ADGRG4: variants seen among roughly 807,000 people sequenced by gnomAD.
ADGRG4 encodes adhesion G protein-coupled receptor G4, also known as G protein-coupled receptor 112.
ADGRG4 carries 122 observed loss-of-function variants against 126.2 expected under a neutral mutation model. That is an observed-to-expected ratio of 0.97 (90% confidence interval 0.83 to 1.12). ADGRG4 has a LOEUF of 1.12. Ranked by LOEUF, ADGRG4 falls within the 50% of genes most tolerant of loss-of-function variation. The pLI, the probability that ADGRG4 is intolerant of heterozygous loss-of-function variation, is 0.00. For synonymous variants in ADGRG4, 943 were observed against 838.7 expected (o/e 1.12, Z -2.15); for missense variants, 2,481 against 2,251.8 (o/e 1.10, Z -2.06).
At position 136,405,680 on chromosome X, in the gene ADGRG4, T is replaced by C. The variant is rs760140575; in HGVS notation, c.8655-12T>C. The C allele has an allele frequency of 8.8e-7, 1 of 1,135,215 alleles. No homozygotes were observed. Among genetic ancestry groups the C allele is most frequent in the Non-Finnish European group, 1.2e-6 (1 of 849,013 alleles). The allele number at this position is 1,135,215 out of a possible 1,213,427, so 93.6% of individuals were successfully genotyped here. ...TTCCCTATCTCATGATAGTCTTCTT[T>C]GTTTCTTACAGTTGTTGGATTAAAG... On this transcript the variant is annotated splice_polypyrimidine_tract_variant and intron_variant, in intron 22 of 25. Transcript: ENST00000394143.
intron 19 of ADGRG4, among the ~76,000 whole-genome samples, chrX:136,397,488 G>A (rs1307448950): frequency 1.0e-5 from 1 of 95,937 alleles, no homozygotes; most frequent in Non-Finnish European, 2.1e-5. Context: ...CTAAGGAAAA[G>A]GACTTTTTTT....
rs991910286 is a variant in ADGRG4, at chrX:136,361,658, A to T, written c.7277+71A>T. The T allele has an allele frequency of 1.1e-5, 9 of 835,824 alleles. No homozygotes were observed. In the African/African-American group the frequency reaches 1.4e-4, roughly 13 times the overall value. 68.9% of individuals were successfully genotyped at this position (835,824 alleles called of 1,213,427 possible). A position where few individuals can be genotyped will look rare whatever the true frequency, so the allele number is the denominator to read the frequency against. ...TCTACCTAATTGGGGACATGTTTCT[A>T]TGTCATTTGTCTGAGCATGCTCCCT... On this transcript the variant is annotated intron_variant, in intron 12 of 25. Transcript: ENST00000394143.
intron 5 of ADGRG4, among the ~76,000 whole-genome samples, chrX:136,325,120 T>G (rs2074864291): frequency 1.8e-5 from 2 of 112,092 alleles, no homozygotes; most frequent in Non-Finnish European, 3.8e-5. Flanking sequence ...AAGACAAGAT[T>G]TTTTTGCATT....
Position 136,344,649 on chromosome X carries a change from G to T in ADGRG4, c.943G>T (p.Val315Leu). 1 of 1,210,664 alleles carries T rather than the reference G, an allele frequency of 8.3e-7. No individual in the cohort carries two copies. The highest frequency in any genetic ancestry group is 1.1e-6 in the Non-Finnish European group (1 of 894,598). The change falls in exon 6 of 26, where the codon GTG becomes TTG. Residue 315 changes from valine (V) to leucine (L), a missense_variant. Physicochemically the swap from Val to Leu is conservative, Grantham distance 32 (BLOSUM62 1). Coordinates refer to ENST00000394143, the MANE Select transcript of ADGRG4 (RefSeq NM_153834.4). The part of the protein sequence containing the change: ...TLVDETATFA[V>L]DVLSTSSAIS... ...GGTAGATGAGACAGCTACATTTGCA[G>T]TGGATGTTTTATCAACTTCATCAGC...
At chrX:136,317,499 C>CAA (rs35736381) in intron 4 of ADGRG4, among the ~76,000 whole-genome samples, 9 of 40,603 alleles carry the variant, frequency 2.2e-4, no homozygotes, top group African/African-American at 4.1e-4. Flanking sequence ...GACTCCATCT[C>CAA]AAAAAAAAAA....
rs2075002296 is a variant in ADGRG4 at position 136,344,838 on chromosome X, A to G, written c.1132A>G (p.Arg378Gly). 1.7e-6 allele frequency: 2 copies of G among 1,207,257 alleles called. No homozygotes were observed. The highest frequency in any genetic ancestry group is 1.7e-5 in the African/African-American group (1 of 57,343). ...ACCTTCTAATTTCCTATCCACATCCAGATTTACCAAGAATTCAGTTGTATC... is the reference window on the plus strand; with the variant it reads ...ACCTTCTAATTTCCTATCCACATCCGGATTTACCAAGAATTCAGTTGTATC... The part of the protein sequence containing the change: ...PTPSNFLSTS[R>G]FTKNSVVSTT... Residue 378 changes from arginine (R) to glycine (G), a missense_variant, in exon 6 of 26, where the codon AGA becomes GGA. Coordinates refer to ENST00000394143, the MANE Select transcript of ADGRG4 (RefSeq NM_153834.4).
At chrX:136,384,577 A>AC (rs2075283592) in intron 15 of ADGRG4, among the ~76,000 whole-genome samples, 1 of 111,790 alleles carries the variant, frequency 8.9e-6, no homozygotes, top group Admixed American at 9.5e-5. Context: ...AAAAAAATTC[A>AC]CTTAGGATTT....
In ADGRG4 at chrX:136,346,729, C is replaced by G; in HGVS notation, c.3023C>G (p.Pro1008Arg). Residue 1008 changes from proline (P) to arginine (R), a missense_variant, in exon 6 of 26, where the codon CCT becomes CGT. Transcript: ENST00000394143. ...QPTAAHSSAT[P>R]VPVTHMFSLP... ...ACAGCTGCTCATTCCTCAGCAACCC[C>G]TGTGCCTGTTACTCATATGTTCTCA... is the stretch of plus-strand genomic sequence containing the variant. 1 of 1,210,395 alleles carries G rather than the reference C, an allele frequency of 8.3e-7. No homozygotes were observed.
chrX:136,361,520 A>G lies in ADGRG4; in HGVS notation c.7210A>G (p.Thr2404Ala). The G allele has an allele frequency of 8.4e-7, 1 of 1,190,927 alleles. No homozygotes were observed. Among genetic ancestry groups the G allele is most frequent in the Non-Finnish European group, 1.1e-6 (1 of 882,196 alleles). Residue 2404 changes from threonine to alanine, a missense_variant, in exon 12 of 26, where the codon ACC becomes GCC. Coordinates refer to ENST00000394143, the MANE Select transcript of ADGRG4 (RefSeq NM_153834.4). ...KYKGTYKWLL[T>A]NPTETAQTRC... ...CAAAGGGACCTATAAGTGGCTATTA[A>G]CCAACCCTACGGAGACAGCCCAAAC...
chrX:136,358,612 A>G (rs976440522), intron 10 of ADGRG4, among the ~76,000 whole-genome samples: 2 of 112,175 alleles, frequency 1.8e-5, no homozygotes, highest in Admixed American at 9.5e-5. Context: ...GGACAGCTCT[A>G]TCCTTTCATC....
chrX:136,335,629 A>G (rs1370698735), intron 5 of ADGRG4, among the ~76,000 whole-genome samples: 2 of 111,407 alleles, frequency 1.8e-5, no homozygotes, highest in Admixed American at 1.9e-4. Flanking sequence ...TATTTCTTCT[A>G]ACTTGTTGAA....
intron 21 of ADGRG4, among the ~76,000 whole-genome samples, chrX:136,400,336 T>C (rs1037104862): frequency 2.7e-5 from 3 of 111,893 alleles, no homozygotes; most frequent in Non-Finnish European, 5.6e-5. Flanking sequence ...GCACTTATTG[T>C]GTATTGTGCT....
In ADGRG4 at chrX:136,380,652, C is replaced by CTTCTTCTTCTTCT. The variant is rs1339324470; in HGVS notation, c.7777-7087_7777-7086insTCTTCTTCTTCTT. On this transcript the variant is annotated intron_variant, in intron 15 of 25. Transcript: ENST00000394143. ...CTTCTTCTTCTTCTTCTTCTTCTTCCTCCTCCTCCTCCTCCTCTTCCTCCT... is the reference window on the plus strand; with the variant it reads ...CTTCTTCTTCTTCTTCTTCTTCTTCCTTCTTCTTCTTCTTCCTCCTCCTCCTCCTCTTCCTCCT... 6.6e-3 allele frequency among the ~76,000 whole-genome samples: 381 copies of CTTCTTCTTCTTCT among 57,968 alleles called. 6 individuals carry two copies. Among genetic ancestry groups the CTTCTTCTTCTTCT allele is most frequent in the Non-Finnish European group, 8.8e-3 (255 of 29,126 alleles). 50.3% of individuals were successfully genotyped at this position (57,968 alleles called of 115,157 possible).
chrX:136,347,222 A>G lies in ADGRG4; in HGVS notation c.3516A>G (p.Gln1172=), dbSNP rs1435969218. ...CTACGTCTACACCAGAAGCAACTCA[A>G]CCAATATCTCAAGTAGAGGAGACTT... ...ISTTSTPEAT[Q]PISQVEETST... is the part of the protein sequence containing the mutation. The change falls in exon 6 of 26, where the codon CAA becomes CAG. Residue 1172 remains glutamine (Q), a synonymous_variant. Transcript: ENST00000394143. 2 of 1,208,523 alleles carry G rather than the reference A, an allele frequency of 1.7e-6. No individual in the cohort carries two copies. Among genetic ancestry groups the G allele is most frequent in the Admixed American group, 2.2e-5 (1 of 45,733 alleles).
chrX:136,344,288 A>G, intron 5 of ADGRG4, 104 bp from the exon 6 acceptor site: 2 of 525,557 alleles, frequency 3.8e-6, no homozygotes, highest in South Asian at 7.0e-5. Flanking sequence ...GATTATATCT[A>G]TGATACTTTC....
chrX:136,306,276 AG>A (rs1240555562), intron 3 of ADGRG4: 1 of 110,927 alleles, frequency 9.0e-6, no homozygotes, highest in African/African-American at 3.3e-5. Flanking sequence ...CACAAAATTA[AG>A]AAATACGCAT....
chrX:136,322,729 A>T (rs1304957428), intron 4 of ADGRG4, 49 bp from the exon 5 acceptor site: 3 of 1,107,976 alleles, frequency 2.7e-6, no homozygotes, highest in Non-Finnish European at 3.6e-6. Context: ...AACAATTTTT[A>T]ACAGAAATTT....
At chrX:136,315,981 C>A (rs1603291027) in intron 4 of ADGRG4, among the ~76,000 whole-genome samples, 2 of 112,090 alleles carry the variant, frequency 1.8e-5, no homozygotes, top group African/African-American at 6.5e-5. Flanking sequence ...CTGCTGACAC[C>A]TTGACCTTGG....
chrX:136,380,671 TCCTCCTCCTCCTC>T (rs2075258558), intron 15 of ADGRG4, among the ~76,000 whole-genome samples: 1 of 43,737 alleles, frequency 2.3e-5, no homozygotes, highest in African/African-American at 9.2e-5. Flanking sequence ...CTCCTCCTCT[TCCTCCTCCTCCTC>T]CTCCTTCTTC....
Sources: gnomAD v4.1 joint callset for allele counts (sites outside exome capture counted in the v4.1 genomes callset) on GRCh38, gnomAD v4.1.1 for gene constraint, MANE v1.5 for transcripts, NCBI Gene and HGNC (gene_info 2026-07-23, HGNC 2026-07-21) for gene names.